Variants in PLEKHA6 observed in about 807,000 individuals in gnomAD.
The protein encoded by PLEKHA6 is pleckstrin homology domain-containing family A member 6.
Under a neutral mutation model 116.7 loss-of-function variants are expected in PLEKHA6, and 60 were observed. The ratio of observed to expected loss-of-function variants is 0.51; its 90% CI spans 0.42 to 0.64. The LOEUF is 0.64. Ranked by LOEUF, PLEKHA6 falls within the 30% of genes least tolerant of loss-of-function variation. The probability of loss-of-function intolerance (pLI) is 0.00; values close to 1 mark genes in which losing one functional copy is unlikely to be tolerated. For missense variants in PLEKHA6, 1,338 were observed against 1,422.7 expected, an observed-to-expected ratio of 0.94 and a Z score of 0.96; for synonymous variants, 489 against 556.1, an observed-to-expected ratio of 0.88 and a Z score of 1.70.
intron 3 of PLEKHA6, among the ~76,000 whole-genome samples, chr1:204,270,215 C>G (rs1410295042): frequency 6.6e-6 from 1 of 152,210 alleles, no homozygotes; most frequent in Non-Finnish European, 1.5e-5. Context: ...TCTCAATCTC[C>G]TCTACTTCCA....
At chr1:204,227,939 G>A (rs1225985676) in intron 21 of PLEKHA6, 144 bp downstream of exon 21, 4 of 850,408 alleles carry the variant, frequency 4.7e-6, no homozygotes, top group Middle Eastern at 3.6e-4. Flanking sequence ...GTGCTCAACA[G>A]ATGCTCGTCT....
chr1:204,228,969 G>T lies in PLEKHA6; in HGVS notation c.2719C>A (p.Pro907Thr). The change falls in exon 19 of 23, where the codon CCC (proline) becomes ACC (threonine). Residue 907 changes from proline (P) to threonine (T), a missense_variant. Physicochemically the swap from Pro to Thr is conservative, Grantham distance 38 (BLOSUM62 -1). Transcript: ENST00000272203. The surrounding 1 kb of genome is among the most constrained non-coding windows in gnomAD (Gnocchi z 4.0). ...IARLRKMELE[P>T]QHYDVDINKE... Reference sequence around the variant, plus strand: ...TTGATGTCCACGTCATAATGCTGGGGCTCTAGCTCCATTTTGCGAAGCCGG... The same window carrying T: ...TTGATGTCCACGTCATAATGCTGGGTCTCTAGCTCCATTTTGCGAAGCCGG... The T allele has an allele frequency of 6.2e-7, 1 of 1,614,146 alleles. No individual in the cohort carries two copies. The highest frequency in any genetic ancestry group is 8.5e-7 in the Non-Finnish European group (1 of 1,180,008).
chr1:204,323,346 T>G (rs1672132503), intron 1 of PLEKHA6, among the ~76,000 whole-genome samples: 1 of 152,170 alleles, frequency 6.6e-6, no homozygotes, highest in Non-Finnish European at 1.5e-5. Context: ...CCCCTCAAGG[T>G]AGGATGGAGA....
chr1:204,228,924 T>C lies in PLEKHA6; in HGVS notation c.2751+13A>G. The C allele has an allele frequency of 1.2e-6, 2 of 1,614,082 alleles. No individual in the cohort carries two copies. Among genetic ancestry groups the C allele is most frequent in the Non-Finnish European group, 1.7e-6 (2 of 1,179,992 alleles). On this transcript the variant is annotated intron_variant, in intron 19 of 22. Transcript: ENST00000272203. The surrounding 1 kb of genome is among the most constrained non-coding windows in gnomAD (Gnocchi z 4.0). The stretch of plus-strand genomic sequence containing the variant: ...CAGAGTCTCCCACTACAGCCCTTCC[T>C]GGCTCCACTCACCTCCTTATTGATG...
intron 6 of PLEKHA6, among the ~76,000 whole-genome samples, chr1:204,263,839 C>T (rs980829161): frequency 1.3e-5 from 2 of 152,042 alleles, no homozygotes; most frequent in Non-Finnish European, 2.9e-5. Flanking sequence ...TCCCTGGAGT[C>T]AGAGCTTTAT....
intron 1 of PLEKHA6, among the ~76,000 whole-genome samples, chr1:204,315,262 C>T (rs1671812546): frequency 6.6e-6 from 1 of 152,158 alleles, no homozygotes; most frequent in Admixed American, 6.5e-5. Context: ...CTCAGAAATC[C>T]TCAGTGGTTA....
chr1:204,291,544 G>A (rs140379603), intron 1 of PLEKHA6, among the ~76,000 whole-genome samples: 7 of 152,114 alleles, frequency 4.6e-5, no homozygotes, highest in African/African-American at 7.2e-5. Context: ...TGAAAACCTG[G>A]GTACAACGTA....
At position 204,228,291 on chromosome 1, in the gene PLEKHA6, G is replaced by A. The variant is rs1159105627; in HGVS notation, c.2886-63C>T. ...CAGGATGGTCCAAGTGGCTTGAGGG[G>A]GCCTGCGGACTGAGGTTGGCAGGGA... On this transcript the variant is annotated intron_variant, in intron 20 of 22. Transcript: ENST00000272203. The surrounding 1 kb of genome is among the most constrained non-coding windows in gnomAD (Gnocchi z 4.0). 2 of 1,503,764 alleles carry A rather than the reference G, an allele frequency of 1.3e-6. No individual in the cohort carries two copies. Among genetic ancestry groups the A allele is most frequent in the East Asian group, 4.6e-5 (2 of 43,512 alleles). The allele number at this position is 1,503,764 out of a possible 1,614,324, so 93.2% of individuals were successfully genotyped here. A position where few individuals can be genotyped will look rare whatever the true frequency, so the allele number is the denominator to read the frequency against.
At position 204,245,250 on chromosome 1, in the gene PLEKHA6, G is replaced by T. The variant is rs77306949; in HGVS notation, c.2033-247C>A. 3.4e-3 allele frequency among the ~76,000 whole-genome samples: 516 copies of T among 152,196 alleles called. 3 individuals are homozygous for T. Among genetic ancestry groups the T allele is most frequent in the African/African-American group, 0.012 (481 of 41,504 alleles). ...TGGAACTGATACTGTTGTCCCTGAG[G>T]TGTCAAGGAAAGCCAGTCTGAGGTC... On this transcript the variant is annotated intron_variant, in intron 14 of 22. Coordinates refer to ENST00000272203, the MANE Select transcript of PLEKHA6 (RefSeq NM_014935.5).
chr1:204,289,909 CA>C (rs1327503723), intron 1 of PLEKHA6, among the ~76,000 whole-genome samples: 2 of 151,906 alleles, frequency 1.3e-5, no homozygotes, highest in African/African-American at 2.4e-5. Flanking sequence ...TATATACTGG[CA>C]ACAAACAATG....
upstream of PLEKHA6, among the ~76,000 whole-genome samples, chr1:204,360,079 C>G (rs559761754): frequency 2.6e-4 from 39 of 152,358 alleles, no homozygotes; most frequent in South Asian, 7.9e-3. Flanking sequence ...TAACCATCCA[C>G]GCAGCCTGCC....
intron 1 of PLEKHA6, among the ~76,000 whole-genome samples, chr1:204,302,170 A>G (rs1670887932): frequency 6.6e-6 from 1 of 152,228 alleles, no homozygotes; most frequent in Admixed American, 6.5e-5. Flanking sequence ...TGGCAATCAA[A>G]TTCAATTCCC....
Position 204,259,756 on chromosome 1 carries a change from G to A in PLEKHA6, c.525-16C>T, listed in dbSNP as rs1358845718. ...CTTCTCATGGCTGCAGGATGCCAAGGGAGATGCTGTCAGTGACTCTAGCCC... is the reference window on the plus strand; with the variant it reads ...CTTCTCATGGCTGCAGGATGCCAAGAGAGATGCTGTCAGTGACTCTAGCCC... On this transcript the variant is annotated splice_polypyrimidine_tract_variant and intron_variant, in intron 7 of 22. Transcript: ENST00000272203. This position sits in a 1 kb window ranked among gnomAD's most constrained non-coding sequence, Gnocchi z 4.6. 2 of 1,596,606 alleles carry A rather than the reference G, an allele frequency of 1.3e-6. No homozygotes were observed. The highest frequency in any genetic ancestry group is 1.7e-6 in the Non-Finnish European group (2 of 1,170,676).
At position 204,244,867 on chromosome 1, in the gene PLEKHA6, G is replaced by A. The variant is rs770364202; in HGVS notation, c.2169C>T (p.Asn723=). Residue 723 remains asparagine (N), a synonymous_variant, in exon 15 of 23, where the codon AAC becomes AAT. Transcript: ENST00000272203. ...TCTACTCCATTTCTCAACTTACCTC[G>A]TTGGAGCCAGGCTTGGTGGGGGACC... ...SQGSPTKPGS[N]EPKANYEQSK... 4.7e-5 allele frequency: 74 copies of A among 1,565,236 alleles called. 1 individual carries two copies. In the South Asian group the frequency reaches 5.0e-4, roughly 11 times the overall value.
At chr1:204,311,755 CCCTAAGATTACA>C in intron 1 of PLEKHA6, 2 of 729,352 alleles carry the variant, frequency 2.7e-6, no homozygotes, top group African/African-American at 1.9e-5. Flanking sequence ...AACATGAAAG[CCCTAAGATTACA>C]CTCTAAAGGG....
At chr1:204,318,665 G>A (rs1428020670) in intron 1 of PLEKHA6, among the ~76,000 whole-genome samples, 1 of 152,178 alleles carries the variant, frequency 6.6e-6, no homozygotes, top group Non-Finnish European at 1.5e-5. Flanking sequence ...ACAATATAAA[G>A]TCCAGAGCTT....
chr1:204,282,144 G>A (rs888620000), intron 1 of PLEKHA6, among the ~76,000 whole-genome samples: 1 of 151,894 alleles, frequency 6.6e-6, no homozygotes, highest in South Asian at 2.1e-4. Context: ...ATTCCTATGA[G>A]AGGAGATAGG....
chr1:204,224,663 T>C (rs17333220), intron 21 of PLEKHA6, among the ~76,000 whole-genome samples: 1 of 152,222 alleles, frequency 6.6e-6, no homozygotes, highest in Non-Finnish European at 1.5e-5. Flanking sequence ...AGTTTGTGCA[T>C]GGGATCTGGC....
At position 204,222,640 on chromosome 1, in the gene PLEKHA6, G is replaced by A. The variant is rs1659770686; in HGVS notation, c.*148C>T. 2 of 152,766 alleles carry A rather than the reference G, an allele frequency of 1.3e-5. No homozygotes were observed. The highest frequency in any genetic ancestry group is 4.1e-4 in the South Asian group (2 of 4,840). 9.5% of individuals were successfully genotyped at this position (152,766 alleles called of 1,614,324 possible). A position where few individuals can be genotyped will look rare whatever the true frequency, so the allele number is the denominator to read the frequency against. ...CCTCTGGCAGCAGCCCATGGCCCCA[G>A]CCTGGCTCCCTGCGGCATTCCCATG... On this transcript the variant is annotated 3_prime_UTR_variant, in exon 23 of 23. Transcript: ENST00000272203.
Sources: gnomAD v4.1 joint callset for allele counts (sites outside exome capture counted in the v4.1 genomes callset) on GRCh38, gnomAD v4.1.1 for gene constraint, Gnocchi (gnomAD v3.1) non-coding constraint, MANE v1.5 for transcripts, NCBI Gene and HGNC (gene_info 2026-07-23, HGNC 2026-07-21) for gene names.